The following CTSB variants were observed in gnomAD, a reference collection of about 807,000 sequenced individuals.
The protein encoded by CTSB is APP secretase.
Under a neutral mutation model 44.3 loss-of-function variants are expected in CTSB, and 57 were observed. The observed-to-expected ratio is 1.29, with a 90% CI of 1.04 to 1.60. The LOEUF (loss-of-function observed/expected upper bound fraction) is 1.60, where lower values mean the gene tolerates loss of function less well. Among genes scored for constraint, CTSB ranks in the 40% most tolerant of loss-of-function variants. The pLI is 0.00. For synonymous variants in CTSB, 320 were observed against 168.0 expected (o/e 1.91, Z -7.00); for missense variants, 768 against 443.0 (o/e 1.73, Z -6.59).
In CTSB at chr8:11,847,118, T is replaced by G. The variant is rs774321061; in HGVS notation, c.727A>C (p.Ile243Leu). Reference protein sequence around the residue: ...SNSEKDIMAEIYKNGPVEGAF... With the variant: ...SNSEKDIMAELYKNGPVEGAF... ...CCCTCCACGGGGCCGTTTTTGTAGATCTCGGCCATGATGTCCTTCTCGCTA... is the reference window on the plus strand; with the variant it reads ...CCCTCCACGGGGCCGTTTTTGTAGAGCTCGGCCATGATGTCCTTCTCGCTA... Residue 243 changes from isoleucine (I) to leucine (L), a missense_variant, in exon 8 of 10, where the codon ATC (isoleucine) becomes CTC (leucine). Physicochemically the swap from Ile to Leu is conservative, Grantham distance 5. Coordinates refer to ENST00000353047, the MANE Select transcript of CTSB (RefSeq NM_001908.5). 18 of 1,613,790 alleles carry G rather than the reference T, an allele frequency of 1.1e-5. No individual in the cohort carries two copies. The highest frequency in any genetic ancestry group is 1.5e-5 in the Non-Finnish European group (18 of 1,179,822).
chr8:11,863,206 A>G (rs929381647), intron 1 of CTSB, among the ~76,000 whole-genome samples: 53 of 152,312 alleles, frequency 3.5e-4, no homozygotes, highest in African/African-American at 1.2e-3. Flanking sequence ...CAGGCCTGTA[A>G]TCTCAGCACT....
Position 11,852,660 on chromosome 8 carries a change from G to A in CTSB, c.162C>T (p.Tyr54=), listed in dbSNP as rs1814804181. ...GGAAGGTACCACATAGCCTCTTCAA[G>A]TAGCTCATGTCCACGTTGTAGAAGT... ...GHNFYNVDMS[Y]LKRLCGTFLG... Residue 54 remains tyrosine, a synonymous_variant, in exon 3 of 10, where the codon TAC becomes TAT. Coordinates refer to ENST00000353047, the MANE Select transcript of CTSB (RefSeq NM_001908.5). 5 of 1,613,972 alleles carry A rather than the reference G, an allele frequency of 3.1e-6. No individual in the cohort carries two copies. Among genetic ancestry groups the A allele is most frequent in the African/African-American group, 1.3e-5 (1 of 74,950 alleles).
At chr8:11,845,580 G>T (rs998676345) in intron 9 of CTSB, 81 bp downstream of exon 9, 10 of 1,527,068 alleles carry the variant, frequency 6.5e-6, no homozygotes, top group African/African-American at 1.4e-5. Context: ...CTGTGCGGTG[G>T]GTAGAACAGA....
chr8:11,861,956 C>G (rs959389322), intron 1 of CTSB, among the ~76,000 whole-genome samples: 4 of 152,088 alleles, frequency 2.6e-5, no homozygotes, highest in African/African-American at 9.7e-5. Context: ...GCCTGTAATC[C>G]CAGTACTTTG....
chr8:11,846,213 A>AGG (rs1447474870), intron 8 of CTSB: 1 of 153,106 alleles, frequency 6.5e-6, no homozygotes, highest in Non-Finnish European at 1.5e-5. Flanking sequence ...AGGGAGGAGA[A>AGG]GGGAGGACTG....
intron 1 of CTSB, among the ~76,000 whole-genome samples, chr8:11,855,791 G>T (rs1251509465): frequency 6.6e-6 from 1 of 152,158 alleles, no homozygotes; most frequent in African/African-American, 2.4e-5. Flanking sequence ...GCTGAGGCAG[G>T]TGGATCGCCT....
At chr8:11,846,311 C>T (rs28584056) in intron 8 of CTSB, 6,804 of 152,384 alleles carry the variant, frequency 0.045, 515 homozygotes, top group African/African-American at 0.15. Flanking sequence ...AAATCACTGT[C>T]AAAGTGGAAA....
intron 5 of CTSB, 23 bp downstream of exon 5, chr8:11,849,023 T>C (rs747097947): frequency 1.9e-6 from 3 of 1,582,752 alleles, no homozygotes; most frequent in Non-Finnish European, 2.6e-6. Flanking sequence ...CTAAACCCGC[T>C]GTGGAAGCAC....
At chr8:11,854,100 C>T (rs1403622973) in intron 1 of CTSB, among the ~76,000 whole-genome samples, 2 of 152,182 alleles carry the variant, frequency 1.3e-5, no homozygotes, top group African/African-American at 2.4e-5. Flanking sequence ...ATGCCCCAGC[C>T]GTTTGATCTT....
intron 1 of CTSB, among the ~76,000 whole-genome samples, chr8:11,856,628 T>G (rs763038918): frequency 2.0e-5 from 3 of 152,132 alleles, no homozygotes; most frequent in Non-Finnish European, 4.4e-5. Context: ...AACCAACTAG[T>G]TGAAGTGAAT....
At chr8:11,853,929 GACAA>G (rs141232592) in intron 1 of CTSB, 2,115 of 153,554 alleles carry the variant, frequency 0.014, 52 homozygotes, top group African/African-American at 0.048. Context: ...ACAGGACACA[GACAA>G]ACAAGCTCGG....
intron 1 of CTSB, chr8:11,861,576 C>G (rs971441490): frequency 2.6e-5 from 4 of 152,238 alleles, no homozygotes; most frequent in African/African-American, 9.7e-5. Flanking sequence ...ACTACGAAGG[C>G]CCTCAGCAGT....
rs1256130172 is a variant in CTSB at position 11,843,595 on chromosome 8, T to A, written c.*1530A>T. 1 of 152,252 alleles carries A rather than the reference T, an allele frequency of 6.6e-6. No homozygotes were observed. Among genetic ancestry groups the A allele is most frequent in the African/African-American group, 2.4e-5 (1 of 41,458 alleles). The allele number at this position is 152,252 out of a possible 1,614,324, so 9.4% of individuals were successfully genotyped here. On this transcript the variant is annotated 3_prime_UTR_variant, in exon 10 of 10. Transcript: ENST00000353047. Reference sequence around the variant, plus strand: ...AATTCAAAATACTGTATACAGGCCCTGACTCCAGCCCAAACCAAGGCTGGA... The same window carrying A: ...AATTCAAAATACTGTATACAGGCCCAGACTCCAGCCCAAACCAAGGCTGGA...
chr8:11,848,963 G>T lies in CTSB; in HGVS notation c.446+83C>A, dbSNP rs145828603. 26 of 978,356 alleles carry T rather than the reference G, an allele frequency of 2.7e-5. No homozygotes were observed. In the South Asian group the frequency reaches 3.6e-4, roughly 14 times the overall value. 60.6% of individuals were successfully genotyped at this position (978,356 alleles called of 1,614,324 possible). ...TTCTGACTCGCAGCAGTCCCAGGAA[G>T]TCCTCAAAGTCCCCTCCACTGAGAA... On this transcript the variant is annotated intron_variant, in intron 5 of 9. Coordinates refer to ENST00000353047, the MANE Select transcript of CTSB (RefSeq NM_001908.5).
chr8:11,849,038 T>A lies in CTSB; in HGVS notation c.446+8A>T, dbSNP rs762795801. 1.2e-6 allele frequency: 2 copies of A among 1,606,688 alleles called. No homozygotes were observed. The highest frequency in any genetic ancestry group is 2.2e-5 in the South Asian group (2 of 90,782). ...CTAAACCCGCTGTGGAAGCACAGCCTGACTCACCCGTCCCCACACATGCTG... is the reference window on the plus strand; with the variant it reads ...CTAAACCCGCTGTGGAAGCACAGCCAGACTCACCCGTCCCCACACATGCTG... On this transcript the variant is annotated splice_region_variant and intron_variant, in intron 5 of 9. Transcript: ENST00000353047.
In CTSB at chr8:11,845,080, A is replaced by AC; in HGVS notation, c.*44dup. 1 of 1,271,550 alleles carries AC rather than the reference A, an allele frequency of 7.9e-7. No individual in the cohort carries two copies. The highest frequency in any genetic ancestry group is 1.2e-6 in the Non-Finnish European group (1 of 868,858). 78.8% of individuals were successfully genotyped at this position (1,271,550 alleles called of 1,614,324 possible). On this transcript the variant is annotated 3_prime_UTR_variant, in exon 10 of 10. Transcript: ENST00000353047. ...AACTTAAAGAATAAAATGCATTTCT[A>AC]CCCCGATCTCGCCCCCAGGACTGGC...
rs1185971162 is a variant in CTSB at position 11,857,379 on chromosome 8, G to A, written c.-25-3900C>T. On this transcript the variant is annotated intron_variant, in intron 1 of 9. Transcript: ENST00000353047. ...GACTCGTGGGTAGGCAGCGTCTCAC[G>A]TGGCCATGCATGTCAGTGACCCACA... is the stretch of plus-strand genomic sequence containing the variant. Among the ~76,000 whole-genome samples the A allele has an allele frequency of 3.3e-5, 5 of 152,164 alleles. No homozygotes were observed. The South Asian group carries it at 6.2e-4, about 19-fold the overall frequency.
chr8:11,856,891 GT>G (rs1203294016), intron 1 of CTSB, among the ~76,000 whole-genome samples: 1 of 151,720 alleles, frequency 6.6e-6, no homozygotes, highest in African/African-American at 2.4e-5. Flanking sequence ...TATTATTTCA[GT>G]TTTGTTTCTT....
chr8:11,861,025 A>G (rs545495179), intron 1 of CTSB, among the ~76,000 whole-genome samples: 8 of 152,350 alleles, frequency 5.3e-5, no homozygotes, highest in African/African-American at 1.9e-4. Flanking sequence ...CTTTTTGAGT[A>G]TGAATCACAG....
Sources: allele counts gnomAD v4.1 joint callset (sites outside exome capture counted in the v4.1 genomes callset), GRCh38; gene constraint gnomAD v4.1.1; transcripts MANE v1.5; gene names NCBI Gene and HGNC (gene_info 2026-07-23, HGNC 2026-07-21).